Variants in GSTO2 observed in about 807,000 individuals in gnomAD.
The protein encoded by GSTO2 is glutathione S-transferase omega-2.
GSTO2 carries 23 observed loss-of-function variants against 28.4 expected under a neutral mutation model. The ratio of observed to expected loss-of-function variants is 0.81; its 90% CI spans 0.58 to 1.15. The LOEUF (loss-of-function observed/expected upper bound fraction) is 1.15. Among genes scored for constraint, GSTO2 ranks in the 50% most tolerant of loss-of-function variants. GSTO2 has a pLI of 0.00. For synonymous variants in GSTO2, 109 were observed against 111.0 expected, an observed-to-expected ratio of 0.98 and a Z score of 0.11; for missense variants, 298 against 297.8, an observed-to-expected ratio of 1.00 and a Z score of 0.00.
At chr10:104,289,480 A>G (rs2012651680) in intron 5 of GSTO2, among the ~76,000 whole-genome samples, 1 of 152,130 alleles carries the variant, frequency 6.6e-6, no homozygotes, top group Non-Finnish European at 1.5e-5. Context: ...TAATCCCCAA[A>G]TTTTGACAGT....
At chr10:104,293,999 T>A (rs1267425871) in intron 5 of GSTO2, among the ~76,000 whole-genome samples, 1 of 152,030 alleles carries the variant, frequency 6.6e-6, no homozygotes, top group Non-Finnish European at 1.5e-5. Context: ...TCCTTCCCCA[T>A]GGGAGACAAG....
chr10:104,282,459 T>C (rs1026460502), intron 5 of GSTO2, among the ~76,000 whole-genome samples: 21 of 150,196 alleles, frequency 1.4e-4, no homozygotes, highest in African/African-American at 5.2e-4. Flanking sequence ...GAGGCTGAGA[T>C]GAGAGGATCA....
At chr10:104,285,913 G>T in intron 5 of GSTO2, 1 of 328,332 alleles carries the variant, frequency 3.0e-6, no homozygotes, top group Non-Finnish European at 6.0e-6. Context: ...TTGTTTAATT[G>T]TTTCTCCTTT....
chr10:104,275,198 C>T lies in GSTO2; in HGVS notation c.35-28C>T, dbSNP rs371560878. 10 of 1,594,744 alleles carry T rather than the reference C, an allele frequency of 6.3e-6. No homozygotes were observed. In the African/African-American group the frequency reaches 1.1e-4, roughly 17 times the overall value. On this transcript the variant is annotated intron_variant, in intron 2 of 6. Transcript: ENST00000338595. ...ACCGGGCTGACTAGCCTCTCCTTTC[C>T]CTGTCCCCCTCCATCGCTGCTCTGC...
intron 5 of GSTO2, chr10:104,285,939 G>T: frequency 2.7e-6 from 1 of 368,194 alleles, no homozygotes; most frequent in Non-Finnish European, 5.4e-6. Context: ...CACCAGGATA[G>T]GAAGAAAAGA....
chr10:104,283,631 CAA>C (rs1475962967), intron 5 of GSTO2, among the ~76,000 whole-genome samples: 1 of 151,976 alleles, frequency 6.6e-6, no homozygotes, highest in East Asian at 1.9e-4. Flanking sequence ...GTCTCAAAAA[CAA>C]ATAAACAAAG....
At chr10:104,296,338 G>C (rs2013020966) in intron 5 of GSTO2, 1 of 152,086 alleles carries the variant, frequency 6.6e-6, no homozygotes, top group Admixed American at 6.6e-5. Context: ...ACACAGAGTT[G>C]GGGGCCGGGT....
In GSTO2 at chr10:104,299,534, G is replaced by C; in HGVS notation, c.*250G>C. The C allele has an allele frequency of 2.4e-6, 1 of 420,386 alleles. No individual in the cohort carries two copies. The highest frequency in any genetic ancestry group is 4.3e-5 in the Admixed American group (1 of 23,304). 26.0% of individuals were successfully genotyped at this position (420,386 alleles called of 1,614,324 possible). ...GCTTCGTTACTCAGGCTGGAGTGCA[G>C]TGGGACAGTCGGCTCACTGCAGCCT... On this transcript the variant is annotated 3_prime_UTR_variant, in exon 7 of 7. Transcript: ENST00000338595.
rs1415776024 is a variant in GSTO2 at position 104,279,409 on chromosome 10, T to A, written c.406T>A (p.Cys136Ser). 2.5e-6 allele frequency: 4 copies of A among 1,613,962 alleles called. No individual in the cohort carries two copies. The Admixed American group carries it at 6.7e-5, about 27-fold the overall frequency. The change falls in exon 5 of 7, where the codon TGT becomes AGT. Residue 136 changes from cysteine (C) to serine (S), a missense_variant. Transcript: ENST00000338595. ...CAAGGAGTGCCTGGTAGCGTTGAGA[T>A]GTGGGAGAGAATGCACTAATCTGAA... ...LTKECLVALR[C>S]GRECTNLKAA...
intron 2 of GSTO2, 25 bp downstream of exon 2, chr10:104,274,974 G>A (rs756280401): frequency 1.3e-6 from 2 of 1,567,568 alleles, no homozygotes; most frequent in Non-Finnish European, 1.7e-6. Context: ...TGGGGTCCGC[G>A]AGCTGGGGGC....
intron 3 of GSTO2, among the ~76,000 whole-genome samples, chr10:104,277,276 G>A (rs1340614416): frequency 6.6e-6 from 1 of 151,722 alleles, no homozygotes; most frequent in Non-Finnish European, 1.5e-5. Flanking sequence ...CTGCCTGGCT[G>A]TGATCTTGGC....
At position 104,269,248 on chromosome 10, in the gene GSTO2, G is replaced by C. The variant is rs2011262417; in HGVS notation, c.-253G>C. ...GCCCGAGTTCCCGGAGGTCTCTCGC[G>C]GGACCTCTCTCACCGCCACCGGTGG... is the stretch of plus-strand genomic sequence containing the variant. On this transcript the variant is annotated 5_prime_UTR_variant, in exon 1 of 7. Transcript: ENST00000338595. 6.6e-6 allele frequency: 1 copy of C among 152,398 alleles called. No homozygotes were observed. Among genetic ancestry groups the C allele is most frequent in the African/African-American group, 2.4e-5 (1 of 41,436 alleles). The allele number at this position is 152,398 out of a possible 1,614,324, so 9.4% of individuals were successfully genotyped here.
intron 1 of GSTO2, among the ~76,000 whole-genome samples, chr10:104,273,650 A>C (rs959280818): frequency 1.2e-4 from 19 of 152,248 alleles, no homozygotes; most frequent in African/African-American, 4.3e-4. Flanking sequence ...TACGTGCTAT[A>C]TCTTTTCCTG....
chr10:104,272,587 C>CTTTTTTTTTTTTTTTTTTTTTT lies in GSTO2; in HGVS notation c.-231-2075_-231-2054dup, dbSNP rs768279768. Among the ~76,000 whole-genome samples the CTTTTTTTTTTTTTTTTTTTTTT allele has an allele frequency of 1.4e-4, 7 of 49,308 alleles. 3 individuals carry two copies. Among genetic ancestry groups the CTTTTTTTTTTTTTTTTTTTTTT allele is most frequent in the Admixed American group, 6.9e-4 (2 of 2,888 alleles). The allele number at this position is 49,308 out of a possible 152,430, so 32.3% of individuals were successfully genotyped here. Reference sequence around the variant, plus strand: ...GAATCAAAATAGAACAGTTATGGGACTTTTTTTTTTTTTTTTTTTTTTTTT... The same window carrying CTTTTTTTTTTTTTTTTTTTTTT: ...GAATCAAAATAGAACAGTTATGGGACTTTTTTTTTTTTTTTTTTTTTTTTTTTTTTTTTTTTTTTTTTTTTTT... On this transcript the variant is annotated intron_variant, in intron 1 of 6. Coordinates refer to ENST00000338595, the MANE Select transcript of GSTO2 (RefSeq NM_183239.2).
At position 104,299,726 on chromosome 10, in the gene GSTO2, A is replaced by C. The variant is rs2013204923; in HGVS notation, c.*442A>C. The C allele has an allele frequency of 5.6e-6, 1 of 179,276 alleles. No individual in the cohort carries two copies. Among genetic ancestry groups the C allele is most frequent in the Non-Finnish European group, 1.2e-5 (1 of 85,970 alleles). The allele number at this position is 179,276 out of a possible 1,614,324, so 11.1% of individuals were successfully genotyped here. On this transcript the variant is annotated 3_prime_UTR_variant, in exon 7 of 7. Coordinates refer to ENST00000338595, the MANE Select transcript of GSTO2 (RefSeq NM_183239.2). ...CTCCTGGCCGCAAGCCATCCACCCAACTTGGTCTCCAAAGTGTTGAGATTA... is the reference window on the plus strand; with the variant it reads ...CTCCTGGCCGCAAGCCATCCACCCACCTTGGTCTCCAAAGTGTTGAGATTA...
At chr10:104,278,489 AT>A (rs965320478) in intron 4 of GSTO2, among the ~76,000 whole-genome samples, 10 of 150,826 alleles carry the variant, frequency 6.6e-5, no homozygotes, top group African/African-American at 1.9e-4. Flanking sequence ...CTTTTTTATT[AT>A]TTTTTTTTTG....
chr10:104,272,791 T>C (rs1379627730), intron 1 of GSTO2, among the ~76,000 whole-genome samples: 2 of 151,682 alleles, frequency 1.3e-5, no homozygotes, highest in Non-Finnish European at 2.9e-5. Flanking sequence ...TTTTTGTGTT[T>C]TTAGTAGAGA....
rs182966519 is a variant in GSTO2, at chr10:104,297,537, A to G, written c.469-41A>G. 1.0e-3 allele frequency: 1,306 copies of G among 1,265,620 alleles called. 1 individual carries two copies. The highest frequency in any genetic ancestry group is 1.4e-3 in the Non-Finnish European group (1,221 of 866,362). The allele number at this position is 1,265,620 out of a possible 1,614,324, so 78.4% of individuals were successfully genotyped here. A position where few individuals can be genotyped will look rare whatever the true frequency, so the allele number is the denominator to read the frequency against. The stretch of plus-strand genomic sequence containing the variant: ...TTAGTGTCTATAAACATGTCAGCAG[A>G]TATATAAACTTATTTGCTTTTGCTT... On this transcript the variant is annotated intron_variant, in intron 5 of 6. Coordinates refer to ENST00000338595, the MANE Select transcript of GSTO2 (RefSeq NM_183239.2).
chr10:104,276,543 C>G (rs1443284821), intron 3 of GSTO2, among the ~76,000 whole-genome samples: 3 of 152,248 alleles, frequency 2.0e-5, no homozygotes, highest in Non-Finnish European at 4.4e-5. Flanking sequence ...TCCCTATGCA[C>G]TACCTTCAGT....
Sources: gnomAD v4.1 joint callset for allele counts (sites outside exome capture counted in the v4.1 genomes callset) on GRCh38, gnomAD v4.1.1 for gene constraint, MANE v1.5 for transcripts, NCBI Gene and HGNC (gene_info 2026-07-23, HGNC 2026-07-21) for gene names.